The following NFIB variants were observed in gnomAD, a reference collection of about 807,000 sequenced individuals.
NFIB encodes the protein nuclear factor 1 B-type.
NFIB carries 11 observed loss-of-function variants against 61.5 expected under a neutral mutation model. That is an observed-to-expected ratio of 0.18 (90% confidence interval 0.11 to 0.30). The LOEUF is 0.30. NFIB is among the 10% of genes least tolerant of loss of function. NFIB has a pLI of 1.00. For missense variants in NFIB, 471 were observed against 608.9 expected (o/e 0.77, Z 2.38); for synonymous variants, 260 against 216.5 (o/e 1.20, Z -1.76).
At chr9:14,112,225 A>G (rs2037480268) in intron 10 of NFIB, among the ~76,000 whole-genome samples, 1 of 152,202 alleles carries the variant, frequency 6.6e-6, no homozygotes, top group Non-Finnish European at 1.5e-5. Context: ...ATATATTTAA[A>G]TTCGGAACTG....
the NFIB span, among the ~76,000 whole-genome samples, chr9:14,405,932 G>A: frequency 6.6e-6 from 1 of 152,188 alleles, no homozygotes; most frequent in Non-Finnish European, 1.5e-5. Flanking sequence ...AAGTTGATTG[G>A]AAGTAAATAT....
At chr9:14,452,367 T>A in the NFIB span, among the ~76,000 whole-genome samples, 111 of 131,904 alleles carry the variant, frequency 8.4e-4, 2 homozygotes, top group African/African-American at 2.9e-3. Context: ...GGAGGGAGGG[T>A]TGGAGATAAA....
intron 1 of NFIB, among the ~76,000 whole-genome samples, chr9:14,356,792 C>G (rs953489283): frequency 7.9e-5 from 12 of 152,068 alleles, no homozygotes; most frequent in South Asian, 6.2e-4. Context: ...ATAGTGCATG[C>G]CATACCAGTG....
At chr9:14,222,795 C>CAAAAAAAAAAAAAAAAAAA (rs58787088) in intron 2 of NFIB, among the ~76,000 whole-genome samples, 1 of 86,756 alleles carries the variant, frequency 1.2e-5, no homozygotes, top group Non-Finnish European at 2.1e-5. Flanking sequence ...GATCCTGTCT[C>CAAAAAAAAAAAAAAAAAAA]AAAAAAAAAA....
the NFIB span, among the ~76,000 whole-genome samples, chr9:14,409,648 C>A: frequency 6.6e-6 from 1 of 152,188 alleles, no homozygotes; most frequent in Admixed American, 6.5e-5. Flanking sequence ...TCACCTTTCC[C>A]CACTTTTGCT....
the NFIB span, among the ~76,000 whole-genome samples, chr9:14,474,464 C>A: frequency 6.6e-6 from 1 of 152,182 alleles, no homozygotes; most frequent in Admixed American, 6.5e-5. Context: ...TTTGGAGGAA[C>A]AAAAATATTC....
chr9:14,499,302 T>G, the NFIB span, among the ~76,000 whole-genome samples: 16 of 151,986 alleles, frequency 1.1e-4, no homozygotes, highest in Non-Finnish European at 1.9e-4. Flanking sequence ...ATGGTGGAGG[T>G]AGCAGGAGAG....
At chr9:14,253,333 G>A (rs1333799777) in intron 2 of NFIB, among the ~76,000 whole-genome samples, 1 of 152,194 alleles carries the variant, frequency 6.6e-6, no homozygotes, top group Non-Finnish European at 1.5e-5. Context: ...AAGGGACTGA[G>A]TGGTCACCAC....
At chr9:14,264,442 A>G (rs2057029954) in intron 2 of NFIB, among the ~76,000 whole-genome samples, 1 of 152,218 alleles carries the variant, frequency 6.6e-6, no homozygotes, top group South Asian at 2.1e-4. Context: ...GGAAGATACT[A>G]TTATAAAAAT....
chr9:14,457,576 T>TC, the NFIB span, among the ~76,000 whole-genome samples: 2 of 67,256 alleles, frequency 3.0e-5, no homozygotes, highest in African/African-American at 5.0e-5. Flanking sequence ...ATCCAGGAGC[T>TC]GGTTTTTTTT....
chr9:14,503,262 G>C, the NFIB span, among the ~76,000 whole-genome samples: 2 of 152,130 alleles, frequency 1.3e-5, no homozygotes, highest in African/African-American at 4.8e-5. Flanking sequence ...GTGTGTGCAA[G>C]TATCTTTTTC....
At chr9:14,103,382 C>T (rs189496018) in intron 10 of NFIB, among the ~76,000 whole-genome samples, 2 of 151,954 alleles carry the variant, frequency 1.3e-5, no homozygotes, top group East Asian at 3.9e-4. Context: ...CGTTTTTAAC[C>T]TTCAGATGGC....
chr9:14,305,712 T>C (rs1400687137), intron 2 of NFIB: 3 of 218,002 alleles, frequency 1.4e-5, no homozygotes, highest in Non-Finnish European at 2.7e-5. Flanking sequence ...AAAAAGCACA[T>C]AGTGAGGGCC....
At chr9:14,200,427 G>A (rs1286405578) in intron 2 of NFIB, among the ~76,000 whole-genome samples, 1 of 152,190 alleles carries the variant, frequency 6.6e-6, no homozygotes, top group Non-Finnish European at 1.5e-5. Context: ...CATACTCTCT[G>A]ATCACGATGT....
chr9:14,291,339 G>T (rs1197972042), intron 2 of NFIB, among the ~76,000 whole-genome samples: 1 of 151,910 alleles, frequency 6.6e-6, no homozygotes. Context: ...ACAAAAATTA[G>T]CCAGGTGTGG....
At chr9:14,371,026 C>G (rs1369314474) in intron 1 of NFIB, among the ~76,000 whole-genome samples, 1 of 152,140 alleles carries the variant, frequency 6.6e-6, no homozygotes, top group Non-Finnish European at 1.5e-5. Flanking sequence ...ACCCAGGAAG[C>G]AGAGGTTGCA....
intron 1 of NFIB, among the ~76,000 whole-genome samples, chr9:14,378,292 G>T (rs1277105447): frequency 6.6e-6 from 1 of 152,158 alleles, no homozygotes; most frequent in Non-Finnish European, 1.5e-5. Flanking sequence ...CTCAATAAAT[G>T]CAGCTATTTA....
intron 2 of NFIB, among the ~76,000 whole-genome samples, chr9:14,244,113 C>A (rs1156973323): frequency 6.6e-6 from 1 of 152,124 alleles, no homozygotes; most frequent in East Asian, 1.9e-4. Context: ...CAATTATGAG[C>A]AAATATTTTC....
At chr9:14,144,650 G>A (rs770619967) in intron 6 of NFIB, among the ~76,000 whole-genome samples, 2 of 152,138 alleles carry the variant, frequency 1.3e-5, no homozygotes, top group African/African-American at 2.4e-5. Context: ...AGTGTAGACA[G>A]ATTTAGACAA....
Sources: gnomAD v4.1 joint callset for allele counts (sites outside exome capture counted in the v4.1 genomes callset) on GRCh38, gnomAD v4.1.1 for gene constraint, MANE v1.5 for transcripts, NCBI Gene and HGNC (gene_info 2026-07-23, HGNC 2026-07-21) for gene names.